Variants in MKLN1 observed in about 807,000 individuals in gnomAD.
MKLN1 encodes muskelin.
MKLN1 carries 18 observed loss-of-function variants against 99.0 expected under a neutral mutation model. The ratio of observed to expected loss-of-function variants is 0.18; its 90% CI spans 0.13 to 0.27. MKLN1 has a LOEUF of 0.27. Ranked by LOEUF, MKLN1 falls within the 10% of genes least tolerant of loss-of-function variation. The pLI is 1.00. For missense variants in MKLN1, 621 were observed against 875.9 expected (o/e 0.71, Z 3.67); for synonymous variants, 288 against 293.2 (o/e 0.98, Z 0.18).
At chr7:131,185,402 A>G (rs993341703) in intron 2 of MKLN1, among the ~76,000 whole-genome samples, 2 of 145,012 alleles carry the variant, frequency 1.4e-5, no homozygotes, top group African/African-American at 5.1e-5. Flanking sequence ...ACATGGTGAA[A>G]CCTCGTCTCT....
chr7:131,265,322 AG>A (rs1463072171), intron 3 of MKLN1, among the ~76,000 whole-genome samples: 1 of 152,250 alleles, frequency 6.6e-6, no homozygotes, highest in African/African-American at 2.4e-5. Flanking sequence ...AAGGCCAAAC[AG>A]TATAGTCATC....
intron 11 of MKLN1, 81 bp from the exon 12 acceptor site, chr7:131,445,693 T>C (rs1795992499): frequency 1.6e-6 from 2 of 1,219,110 alleles, no homozygotes; most frequent in Non-Finnish European, 2.3e-6. Context: ...TTTGTAGAGG[T>C]TTAAGTTTTT....
intron 12 of MKLN1, among the ~76,000 whole-genome samples, chr7:131,451,899 A>G (rs181694066): frequency 6.6e-6 from 1 of 152,332 alleles, no homozygotes; most frequent in African/African-American, 2.4e-5. Flanking sequence ...TCAGTCTACT[A>G]TAGTAAGAGT....
chr7:131,117,908 G>A (rs1016452695), intron 1 of MKLN1, among the ~76,000 whole-genome samples: 2 of 152,222 alleles, frequency 1.3e-5, no homozygotes, highest in Admixed American at 1.3e-4. Flanking sequence ...TACATGAATA[G>A]AGGTGTCAAG....
chr7:131,199,132 C>T (rs929366865), intron 2 of MKLN1, among the ~76,000 whole-genome samples: 1 of 152,020 alleles, frequency 6.6e-6, no homozygotes, highest in African/African-American at 2.4e-5. Context: ...GCAGGAGAAT[C>T]CCTTGAGTCC....
chr7:131,113,905 G>A (rs956953922), intron 1 of MKLN1, among the ~76,000 whole-genome samples: 1 of 152,158 alleles, frequency 6.6e-6, no homozygotes, highest in Non-Finnish European at 1.5e-5. Flanking sequence ...AAAACCGTCA[G>A]ATCTCATGAG....
intron 3 of MKLN1, among the ~76,000 whole-genome samples, chr7:131,251,144 A>C (rs1299099599): frequency 1.4e-5 from 2 of 147,452 alleles, no homozygotes; most frequent in Non-Finnish European, 3.0e-5. Flanking sequence ...TGACCATCTT[A>C]AAGTGTATAA....
chr7:131,138,002 C>T (rs541106906), intron 1 of MKLN1, among the ~76,000 whole-genome samples: 25 of 149,718 alleles, frequency 1.7e-4, no homozygotes, highest in East Asian at 2.0e-4. Flanking sequence ...CTCGGCTCAC[C>T]GCAACCTCCG....
At chr7:131,363,401 C>T (rs1256611531) in intron 1 of MKLN1, among the ~76,000 whole-genome samples, 1 of 151,860 alleles carries the variant, frequency 6.6e-6, no homozygotes, top group Non-Finnish European at 1.5e-5. Flanking sequence ...ATTCTTTTTG[C>T]TTTGCTTAGG....
chr7:131,176,777 T>C (rs1293156311), intron 2 of MKLN1, among the ~76,000 whole-genome samples: 1 of 152,244 alleles, frequency 6.6e-6, no homozygotes, highest in Non-Finnish European at 1.5e-5. Flanking sequence ...TTGAATTCTG[T>C]AGTAGACAGC....
chr7:131,419,311 C>G (rs1795123618), intron 8 of MKLN1, among the ~76,000 whole-genome samples: 1 of 138,106 alleles, frequency 7.2e-6, no homozygotes, highest in Non-Finnish European at 1.5e-5. Flanking sequence ...AGTGCAGTGG[C>G]ATGATCTCGG....
chr7:131,335,236 G>A (rs934414220), intron 1 of MKLN1, among the ~76,000 whole-genome samples: 5 of 152,056 alleles, frequency 3.3e-5, no homozygotes, highest in African/African-American at 4.8e-5. Context: ...ACTTGGTTAC[G>A]AATATTTCTA....
At position 131,223,077 on chromosome 7, in the gene MKLN1, A is replaced by G. The variant is rs138093845; in HGVS notation, c.-179+20103A>G. Among the ~76,000 whole-genome samples the G allele has an allele frequency of 3.9e-5, 6 of 152,268 alleles. No individual in the cohort carries two copies. In the East Asian group the frequency reaches 1.2e-3, roughly 29 times the overall value. ...AATACAGTTTCAGCATATAACAAGC[A>G]CTATGCTATCTTCATGGTAAGAAGT... On this transcript the variant is annotated intron_variant, in intron 3 of 7. Coordinates refer to the MKLN1 transcript ENST00000416992.
intron 2 of MKLN1, among the ~76,000 whole-genome samples, chr7:131,143,565 C>T (rs762782006): frequency 5.3e-5 from 8 of 152,160 alleles, no homozygotes; most frequent in South Asian, 2.1e-4. Flanking sequence ...GTAGCTCATG[C>T]GTGTAATCCT....
chr7:131,455,754 CTG>C (rs781408896), intron 12 of MKLN1, among the ~76,000 whole-genome samples: 4 of 152,116 alleles, frequency 2.6e-5, no homozygotes, highest in Non-Finnish European at 5.9e-5. Context: ...CCATTAGAAA[CTG>C]TTAAATTGGC....
intron 4 of MKLN1, among the ~76,000 whole-genome samples, chr7:131,389,440 G>A (rs1794127919): frequency 6.6e-6 from 1 of 151,800 alleles, no homozygotes. Flanking sequence ...ATTATCAGTT[G>A]TGTTCTTTTA....
At chr7:131,165,385 C>T (rs1172553432) in intron 2 of MKLN1, among the ~76,000 whole-genome samples, 4 of 151,972 alleles carry the variant, frequency 2.6e-5, no homozygotes, top group Non-Finnish European at 5.9e-5. Flanking sequence ...CAGAATTTCA[C>T]CATGTTGGCC....
At chr7:131,332,740 T>G (rs1411344296) in intron 1 of MKLN1, among the ~76,000 whole-genome samples, 3 of 152,046 alleles carry the variant, frequency 2.0e-5, no homozygotes, top group Non-Finnish European at 4.4e-5. Context: ...CTTATGTTAT[T>G]AAATATTCTT....
intron 3 of MKLN1, among the ~76,000 whole-genome samples, chr7:131,254,899 AT>A (rs914073670): frequency 1.0e-3 from 146 of 146,082 alleles, no homozygotes; most frequent in African/African-American, 1.4e-3. Flanking sequence ...AATGGCTGAA[AT>A]TTTTTTTTTT....
Sources: allele counts gnomAD v4.1 joint callset (sites outside exome capture counted in the v4.1 genomes callset), GRCh38; gene constraint gnomAD v4.1.1; transcripts MANE v1.5; gene names NCBI Gene and HGNC (gene_info 2026-07-23, HGNC 2026-07-21).